The following PITPNC1 variants were observed in gnomAD, a reference collection of about 807,000 sequenced individuals.
PITPNC1 encodes the protein cytoplasmic phosphatidylinositol transfer protein 1.
In PITPNC1, 18 loss-of-function variants were observed where a neutral mutation model predicts 44.7. The observed-to-expected ratio is 0.40, with a 90% CI of 0.28 to 0.60. The LOEUF is 0.60. Among genes scored for constraint, PITPNC1 ranks in the 20% least tolerant of loss-of-function variants. PITPNC1 has a pLI of 0.39. For missense variants in PITPNC1, 290 were observed against 418.4 expected, an observed-to-expected ratio of 0.69 and a Z score of 2.68; for synonymous variants, 141 against 149.6, an observed-to-expected ratio of 0.94 and a Z score of 0.42.
chr17:67,682,502 A>G (rs2042729505), intron 8 of PITPNC1, among the ~76,000 whole-genome samples: 1 of 152,058 alleles, frequency 6.6e-6, no homozygotes, highest in Non-Finnish European at 1.5e-5. Flanking sequence ...ATCTCTCCTC[A>G]CCTGAAGGAG....
At chr17:67,550,182 G>A (rs996889524) in intron 2 of PITPNC1, among the ~76,000 whole-genome samples, 86 of 152,144 alleles carry the variant, frequency 5.7e-4, no homozygotes, top group African/African-American at 1.8e-3. Flanking sequence ...TTATAGGAGT[G>A]AAAAATTCTG....
intron 2 of PITPNC1, among the ~76,000 whole-genome samples, chr17:67,542,249 GT>G (rs1411671075): frequency 5.9e-5 from 9 of 152,168 alleles, no homozygotes; most frequent in Non-Finnish European, 1.3e-4. Context: ...ATTTGGTAGA[GT>G]ATGGATGCAT....
chr17:67,509,559 A>AAAAAAAT (rs1555659945), intron 1 of PITPNC1, among the ~76,000 whole-genome samples: 1 of 146,228 alleles, frequency 6.8e-6, no homozygotes, highest in African/African-American at 2.5e-5. Context: ...AATTGAATTA[A>AAAAAAAT]AAATAAATAA....
At position 67,692,707 on chromosome 17, in the gene PITPNC1, C is replaced by T; in HGVS notation, c.818C>T (p.Ser273Phe). 6.2e-7 allele frequency: 1 copy of T among 1,613,882 alleles called. No homozygotes were observed. The highest frequency in any genetic ancestry group is 8.5e-7 in the Non-Finnish European group (1 of 1,179,828). ...LLPSSVRSAP[S>F]SAPSTPLSTD... Reference sequence around the variant, plus strand: ...CCTTCTTCCGTCCGCAGTGCGCCTTCTAGTGCTCCATCCACCCCTCTCTCC... The same window carrying T: ...CCTTCTTCCGTCCGCAGTGCGCCTTTTAGTGCTCCATCCACCCCTCTCTCC... The change falls in exon 9 of 9, where the codon TCT becomes TTT. Residue 273 changes from serine (S) to phenylalanine (F), a missense_variant. Transcript: ENST00000581322.
intron 5 of PITPNC1, among the ~76,000 whole-genome samples, chr17:67,589,252 A>G (rs928248046): frequency 6.6e-5 from 10 of 152,250 alleles, no homozygotes; most frequent in African/African-American, 2.4e-4. Context: ...TATCCAGCAC[A>G]CAAGGGCTGG....
intron 6 of PITPNC1, among the ~76,000 whole-genome samples, chr17:67,649,896 A>G (rs1454437448): frequency 6.6e-6 from 1 of 152,040 alleles, no homozygotes; most frequent in East Asian, 1.9e-4. Context: ...GCATCAGGTG[A>G]GGTATTGGGG....
intron 5 of PITPNC1, among the ~76,000 whole-genome samples, chr17:67,629,659 G>T (rs762004981): frequency 1.3e-5 from 2 of 152,140 alleles, no homozygotes; most frequent in African/African-American, 2.4e-5. Context: ...AAGAAGGAGC[G>T]GGGGGGACTG....
chr17:67,622,119 C>T (rs1222264579), intron 5 of PITPNC1, among the ~76,000 whole-genome samples: 3 of 151,760 alleles, frequency 2.0e-5, no homozygotes, highest in Non-Finnish European at 2.9e-5. Context: ...TAGCTGGGCG[C>T]GGTGGTGGGC....
At chr17:67,599,016 ATATATATATATATATATATTTTTTTTT>A (rs2041498787) in intron 5 of PITPNC1, among the ~76,000 whole-genome samples, 2 of 34,004 alleles carry the variant, frequency 5.9e-5, no homozygotes, top group South Asian at 1.1e-3. Context: ...ATATATATAT[ATATATATATATATATATATTTTTTTTT>A]TTTTTTTTTT....
intron 5 of PITPNC1, chr17:67,611,884 CT>C (rs767035899): frequency 1.3e-5 from 2 of 152,194 alleles, no homozygotes; most frequent in East Asian, 3.8e-4. Flanking sequence ...TTCAACCTTT[CT>C]TGGCGTGTAA....
At chr17:67,428,125 G>C (rs1489438583) in intron 1 of PITPNC1, among the ~76,000 whole-genome samples, 1 of 152,130 alleles carries the variant, frequency 6.6e-6, no homozygotes, top group Admixed American at 6.6e-5. Context: ...TTCTTGAGTG[G>C]CTGGCACTAC....
chr17:67,443,650 T>TTC (rs1361246428), intron 1 of PITPNC1, among the ~76,000 whole-genome samples: 1 of 150,592 alleles, frequency 6.6e-6, no homozygotes, highest in Admixed American at 6.6e-5. Flanking sequence ...TTTTTTTTTT[T>TTC]TGAGGGGGAA....
At chr17:67,446,935 C>T (rs1907452754) in intron 1 of PITPNC1, among the ~76,000 whole-genome samples, 1 of 151,368 alleles carries the variant, frequency 6.6e-6, no homozygotes, top group Non-Finnish European at 1.5e-5. Context: ...ACTAAAAATA[C>T]AAAAATTAGC....
At chr17:67,659,897 A>G (rs923230843) in intron 6 of PITPNC1, among the ~76,000 whole-genome samples, 5 of 151,928 alleles carry the variant, frequency 3.3e-5, no homozygotes, top group African/African-American at 9.7e-5. Flanking sequence ...TGTTTTTTTT[A>G]GAGACAGAGT....
intron 1 of PITPNC1, among the ~76,000 whole-genome samples, chr17:67,409,344 A>G: frequency 6.6e-6 from 1 of 151,358 alleles, no homozygotes; most frequent in East Asian, 1.9e-4. Flanking sequence ...TCGGCCTCCC[A>G]AAGTGCTGGG....
intron 5 of PITPNC1, among the ~76,000 whole-genome samples, chr17:67,607,001 TG>T (rs1290837039): frequency 6.6e-6 from 1 of 152,168 alleles, no homozygotes; most frequent in African/African-American, 2.4e-5. Context: ...CTCCTGTCCT[TG>T]GCTGGCCCAT....
At chr17:67,567,811 A>C (rs1191260770) in intron 4 of PITPNC1, among the ~76,000 whole-genome samples, 3 of 151,996 alleles carry the variant, frequency 2.0e-5, no homozygotes, top group Non-Finnish European at 2.9e-5. Flanking sequence ...CATCTCTACC[A>C]AAAATACAAA....
In PITPNC1 at chr17:67,537,538, G is replaced by T. The variant is rs530821609; in HGVS notation, c.197+4588G>T. 1.3e-3 allele frequency among the ~76,000 whole-genome samples: 191 copies of T among 152,300 alleles called. 2 individuals carry two copies. Among genetic ancestry groups the T allele is most frequent in the Non-Finnish European group, 2.0e-3 (134 of 68,016 alleles). On this transcript the variant is annotated intron_variant, in intron 2 of 8. Coordinates refer to ENST00000581322, the MANE Select transcript of PITPNC1 (RefSeq NM_012417.4). Reference sequence around the variant, plus strand: ...AGAAAAACATAAAACATTTGTGGAAGACGTTTTAAAAGCCCTAGACAAATA... The same window carrying T: ...AGAAAAACATAAAACATTTGTGGAATACGTTTTAAAAGCCCTAGACAAATA...
intron 1 of PITPNC1, among the ~76,000 whole-genome samples, chr17:67,444,296 G>A (rs1044416063): frequency 1.3e-5 from 2 of 152,070 alleles, no homozygotes; most frequent in Non-Finnish European, 2.9e-5. Context: ...CCGAGATCAC[G>A]GGGAAGCTCT....
Sources: gnomAD v4.1 joint callset for allele counts (sites outside exome capture counted in the v4.1 genomes callset) on GRCh38, gnomAD v4.1.1 for gene constraint, MANE v1.5 for transcripts, NCBI Gene and HGNC (gene_info 2026-07-23, HGNC 2026-07-21) for gene names.